The following CCDC3 variants were observed in gnomAD, a reference collection of about 807,000 sequenced individuals.
CCDC3 encodes coiled-coil domain containing 3.
A neutral mutation model predicts 21.4 loss-of-function variants in CCDC3; 24 were observed. The ratio of observed to expected loss-of-function variants is 1.12; its 90% CI spans 0.81 to 1.58. CCDC3 has a LOEUF of 1.58. Ranked by LOEUF, CCDC3 falls within the 40% of genes most tolerant of loss-of-function variation. CCDC3 has a pLI of 0.00. For synonymous variants in CCDC3, 186 were observed against 166.0 expected (o/e 1.12, Z -0.93); for missense variants, 425 against 360.9 (o/e 1.18, Z -1.44).
chr10:13,018,207 TC>T (rs1167942082), intron 5 of CCDC3, among the ~76,000 whole-genome samples: 2 of 152,070 alleles, frequency 1.3e-5, no homozygotes, highest in Non-Finnish European at 2.9e-5. Context: ...AATGCCTCTT[TC>T]CCATAGGAAG....
intron 3 of CCDC3, among the ~76,000 whole-genome samples, chr10:13,087,140 C>T (rs893441907): frequency 1.3e-5 from 2 of 152,196 alleles, no homozygotes; most frequent in South Asian, 2.1e-4. Context: ...CATGGTGGCT[C>T]ACGCCTGTAA....
chr10:12,998,229 C>G, intron 2 of CCDC3, 109 bp downstream of exon 2: 1 of 1,247,238 alleles, frequency 8.0e-7, no homozygotes, highest in East Asian at 2.4e-5. Context: ...CTAATACTCT[C>G]TGATCTGGGC....
At chr10:12,986,103 G>A (rs1464967935) in intron 2 of CCDC3, among the ~76,000 whole-genome samples, 2 of 152,144 alleles carry the variant, frequency 1.3e-5, no homozygotes, top group Non-Finnish European at 2.9e-5. Flanking sequence ...GCCTGGCCTC[G>A]AGTTTTACAC....
At chr10:12,934,001 T>C (rs1834695030) in intron 2 of CCDC3, among the ~76,000 whole-genome samples, 1 of 152,204 alleles carries the variant, frequency 6.6e-6, no homozygotes, top group South Asian at 2.1e-4. Flanking sequence ...TTTGCTCTTT[T>C]TGTTGTAGTT....
intron 5 of CCDC3, among the ~76,000 whole-genome samples, chr10:13,032,456 CT>C (rs1222942709): frequency 6.6e-6 from 1 of 152,156 alleles, no homozygotes; most frequent in Non-Finnish European, 1.5e-5. Context: ...TCTCTCACTA[CT>C]CCTATTCAAA....
At chr10:12,925,440 C>G (rs940963776) in intron 2 of CCDC3, among the ~76,000 whole-genome samples, 5 of 152,214 alleles carry the variant, frequency 3.3e-5, no homozygotes, top group Non-Finnish European at 5.9e-5. Context: ...TCAAGGCCCT[C>G]TAAGTAACCT....
chr10:12,996,333 T>C (rs1450248341), intron 2 of CCDC3, among the ~76,000 whole-genome samples: 1 of 152,098 alleles, frequency 6.6e-6, no homozygotes, highest in Non-Finnish European at 1.5e-5. Context: ...AGCTGAGGAA[T>C]GTATGTTTGT....
intron 2 of CCDC3, among the ~76,000 whole-genome samples, chr10:12,943,306 T>A (rs1229841008): frequency 1.3e-5 from 2 of 152,052 alleles, no homozygotes; most frequent in Non-Finnish European, 1.5e-5. Flanking sequence ...GGAACCCCCA[T>A]CTTGGCCAAG....
rs577440276 is a variant in CCDC3 at position 12,936,939 on chromosome 10, T to G, written c.550-38260A>C. On this transcript the variant is annotated intron_variant, in intron 2 of 2. Coordinates refer to ENST00000378825, the MANE Select transcript of CCDC3 (RefSeq NM_031455.4). ...ATCCTGTCTCAACTAACTAAAGAAA[T>G]AAAAAACACAAGGCTAAGGCATATG... is the stretch of plus-strand genomic sequence containing the variant. 2.0e-3 allele frequency among the ~76,000 whole-genome samples: 309 copies of G among 152,142 alleles called. 5 individuals carry two copies. The South Asian group carries it at 0.028, about 14-fold the overall frequency.
In CCDC3 at chr10:12,974,871, G is replaced by A. The variant is rs552519481; in HGVS notation, c.549+23467C>T. On this transcript the variant is annotated intron_variant, in intron 2 of 2. Transcript: ENST00000378825. ...AGTGATATATTCCTCTGGTTTCATCGTTGAACGTTACTAATATTTTTTGAG... is the reference window on the plus strand; with the variant it reads ...AGTGATATATTCCTCTGGTTTCATCATTGAACGTTACTAATATTTTTTGAG... Among the ~76,000 whole-genome samples the A allele has an allele frequency of 9.9e-5, 15 of 152,280 alleles. No individual in the cohort carries two copies. In the Middle Eastern group the frequency reaches 0.014, roughly 138 times the overall value.
intron 3 of CCDC3, among the ~76,000 whole-genome samples, chr10:13,082,234 A>G (rs1837048630): frequency 6.6e-6 from 1 of 152,234 alleles, no homozygotes; most frequent in African/African-American, 2.4e-5. Context: ...GGGGCAGGGT[A>G]AGGAGTGTGA....
At chr10:12,992,533 T>C (rs1161331620) in intron 2 of CCDC3, among the ~76,000 whole-genome samples, 1 of 152,080 alleles carries the variant, frequency 6.6e-6, no homozygotes, top group Non-Finnish European at 1.5e-5. Context: ...AGACCACTAT[T>C]CTAAATGAAG....
chr10:12,971,634 G>A (rs1408715044), intron 2 of CCDC3, among the ~76,000 whole-genome samples: 1 of 152,136 alleles, frequency 6.6e-6, no homozygotes, highest in African/African-American at 2.4e-5. Flanking sequence ...GCTGTCTGCT[G>A]GACTGAGGTG....
At chr10:13,028,111 G>C (rs769830858) in intron 5 of CCDC3, among the ~76,000 whole-genome samples, 2 of 152,144 alleles carry the variant, frequency 1.3e-5, no homozygotes, top group Admixed American at 1.3e-4. Context: ...CCCAAATCTC[G>C]TCTTGAATTA....
At chr10:12,931,035 A>AC (rs1329202504) in intron 2 of CCDC3, among the ~76,000 whole-genome samples, 6 of 151,914 alleles carry the variant, frequency 3.9e-5, no homozygotes, top group African/African-American at 1.5e-4. Context: ...ACATGGCGAA[A>AC]CCCCGTGTCT....
intron 2 of CCDC3, among the ~76,000 whole-genome samples, chr10:12,983,170 A>ATG (rs1835532995): frequency 1.4e-5 from 2 of 140,108 alleles, no homozygotes; most frequent in Non-Finnish European, 3.1e-5. Context: ...ATATATATAT[A>ATG]TATAAAATCT....
chr10:13,031,751 T>C (rs1836306446), intron 5 of CCDC3, among the ~76,000 whole-genome samples: 1 of 151,970 alleles, frequency 6.6e-6, no homozygotes, highest in Admixed American at 6.6e-5. Context: ...AAGAAACAGA[T>C]AAATTCCTGG....
chr10:13,007,351 T>C (rs1344231003), intron 5 of CCDC3, among the ~76,000 whole-genome samples: 1 of 152,170 alleles, frequency 6.6e-6, no homozygotes, highest in African/African-American at 2.4e-5. Context: ...TTCCTTCAAA[T>C]TGTAGTCAAC....
At chr10:13,050,414 G>A (rs1836589069) in intron 4 of CCDC3, among the ~76,000 whole-genome samples, 1 of 151,876 alleles carries the variant, frequency 6.6e-6, no homozygotes, top group African/African-American at 2.4e-5. Context: ...CTGGGCCTAG[G>A]CTTAGAGAAA....
Sources: allele counts gnomAD v4.1 joint callset (sites outside exome capture counted in the v4.1 genomes callset), GRCh38; gene constraint gnomAD v4.1.1; transcripts MANE v1.5; gene names NCBI Gene and HGNC (gene_info 2026-07-23, HGNC 2026-07-21).